SLC35F3: variants seen among roughly 807,000 people sequenced by gnomAD.
SLC35F3 encodes solute carrier family 35 member F3.
Under a neutral mutation model 49.9 loss-of-function variants are expected in SLC35F3, and 25 were observed. The ratio of observed to expected loss-of-function variants is 0.50; its 90% CI spans 0.37 to 0.70. SLC35F3 has a LOEUF of 0.70. Ranked by LOEUF, SLC35F3 falls within the 30% of genes least tolerant of loss-of-function variation. The pLI is 0.00. For synonymous variants in SLC35F3, 275 were observed against 265.4 expected (o/e 1.04, Z -0.35); for missense variants, 525 against 639.8 (o/e 0.82, Z 1.94).
intron 3 of SLC35F3, among the ~76,000 whole-genome samples, chr1:234,275,207 A>G (rs530801903): frequency 3.9e-5 from 6 of 152,352 alleles, no homozygotes; most frequent in Admixed American, 3.3e-4. Flanking sequence ...TCTTTAAAAT[A>G]TTGTAGAAAA....
chr1:234,265,971 G>C (rs1399152990), intron 3 of SLC35F3, among the ~76,000 whole-genome samples: 2 of 152,126 alleles, frequency 1.3e-5, no homozygotes, highest in Non-Finnish European at 2.9e-5. Context: ...TCAGGCCTTT[G>C]CTCAAATATC....
At position 234,240,968 on chromosome 1, in the gene SLC35F3, G is replaced by A. The variant is rs540148229; in HGVS notation, c.608+9227G>A. On this transcript the variant is annotated intron_variant, in intron 3 of 7. Coordinates refer to ENST00000366618, the MANE Select transcript of SLC35F3 (RefSeq NM_173508.4). ...CAGGATATGAGCTGAAAGCCAGATGGAAATGTGAGGTGATCCATTTGTCTA... is the reference window on the plus strand; with the variant it reads ...CAGGATATGAGCTGAAAGCCAGATGAAAATGTGAGGTGATCCATTTGTCTA... Among the ~76,000 whole-genome samples, 4 of 152,350 alleles carry A rather than the reference G, an allele frequency of 2.6e-5. No homozygotes were observed. In the South Asian group the frequency reaches 8.3e-4, roughly 32 times the overall value.
chr1:234,241,709 T>C (rs1667554958), intron 3 of SLC35F3, among the ~76,000 whole-genome samples: 2 of 138,366 alleles, frequency 1.4e-5, no homozygotes, highest in Admixed American at 7.9e-5. Context: ...CACTCCAGCC[T>C]GGGCAACAAG....
At chr1:234,098,413 T>TTGG (rs1029758573) in intron 2 of SLC35F3, among the ~76,000 whole-genome samples, 1 of 114,602 alleles carries the variant, frequency 8.7e-6, no homozygotes, top group Non-Finnish European at 1.8e-5. Flanking sequence ...GGTGATTGTG[T>TTGG]TGGTGGTGGT....
intron 2 of SLC35F3, among the ~76,000 whole-genome samples, chr1:234,058,429 C>T (rs554352691): frequency 5.6e-5 from 8 of 143,804 alleles, no homozygotes; most frequent in East Asian, 2.2e-4. Flanking sequence ...ACTGTAGCCT[C>T]GACCTTCCAG....
intron 3 of SLC35F3, among the ~76,000 whole-genome samples, chr1:234,295,588 A>G (rs964353875): frequency 6.6e-6 from 1 of 152,246 alleles, no homozygotes; most frequent in Non-Finnish European, 1.5e-5. Context: ...TTGTCTTTCC[A>G]CACTGTTAGA....
intron 2 of SLC35F3, among the ~76,000 whole-genome samples, chr1:234,108,236 A>ATATATATAAAAGATATATATATT (rs2102885661): frequency 9.0e-6 from 1 of 111,238 alleles, no homozygotes; most frequent in East Asian, 2.1e-4. Context: ...ATATATATTT[A>ATATATATAAAAGATATATATATT]TATATATAAA....
rs145723363 is a variant in SLC35F3, at chr1:234,259,486, T to C, written c.608+27745T>C. ...AGCCTGAGGGGTCCTCCAGTTCCTC[T>C]GGGGCAGGGTTGCTCAAACATAAAG... On this transcript the variant is annotated intron_variant, in intron 3 of 7. Transcript: ENST00000366618. 8.2e-3 allele frequency among the ~76,000 whole-genome samples: 1,246 copies of C among 152,170 alleles called. 19 individuals are homozygous for C. Among genetic ancestry groups the C allele is most frequent in the African/African-American group, 0.029 (1,186 of 41,510 alleles).
intron 2 of SLC35F3, among the ~76,000 whole-genome samples, chr1:234,184,867 T>C (rs1042620449): frequency 2.0e-5 from 3 of 152,186 alleles, no homozygotes; most frequent in Non-Finnish European, 4.4e-5. Context: ...GCTTTGACAT[T>C]ACCTGACAGC....
intron 2 of SLC35F3, among the ~76,000 whole-genome samples, chr1:234,019,093 C>G (rs910295352): frequency 3.0e-4 from 46 of 152,216 alleles, no homozygotes; most frequent in African/African-American, 1.0e-3. Flanking sequence ...TCTGCCAGAA[C>G]CAGAGTCTAA....
At chr1:233,995,254 A>G (rs1201511836) in intron 2 of SLC35F3, among the ~76,000 whole-genome samples, 4 of 152,224 alleles carry the variant, frequency 2.6e-5, no homozygotes, top group Non-Finnish European at 5.9e-5. Flanking sequence ...CAGAGGACAG[A>G]GGCAGATATA....
chr1:234,315,560 G>T (rs1019629791), intron 4 of SLC35F3, among the ~76,000 whole-genome samples: 3 of 152,184 alleles, frequency 2.0e-5, no homozygotes, highest in African/African-American at 7.2e-5. Flanking sequence ...TGAGGTGAAT[G>T]ATAATATCTA....
chr1:234,188,498 A>G (rs1349036059), intron 2 of SLC35F3, among the ~76,000 whole-genome samples: 4 of 151,986 alleles, frequency 2.6e-5, no homozygotes, highest in East Asian at 1.9e-4. Flanking sequence ...ACACAATTCT[A>G]TTGACCTGGA....
intron 2 of SLC35F3, among the ~76,000 whole-genome samples, chr1:233,980,798 A>G (rs184372154): frequency 1.2e-4 from 18 of 152,342 alleles, no homozygotes; most frequent in Admixed American, 7.8e-4. Context: ...GTGATAATTG[A>G]TAGTAATCAT....
At chr1:234,052,970 A>G (rs553699716) in intron 2 of SLC35F3, among the ~76,000 whole-genome samples, 3 of 152,162 alleles carry the variant, frequency 2.0e-5, no homozygotes, top group Non-Finnish European at 4.4e-5. Flanking sequence ...CTTAATCCTG[A>G]GTTCTAGTTT....
chr1:234,217,486 G>T (rs1327280578), intron 2 of SLC35F3, among the ~76,000 whole-genome samples: 1 of 152,232 alleles, frequency 6.6e-6, no homozygotes, highest in African/African-American at 2.4e-5. Flanking sequence ...GAACTGAAAA[G>T]CAAGGTGTCA....
rs1558255424 is a variant in SLC35F3, at chr1:234,191,613, GA to G, written c.284-39801del. On this transcript the variant is annotated intron_variant, in intron 2 of 7. Transcript: ENST00000366618. ...AACCCAGATCAGAGAAGAACTAAAT[GA>G]AATTGAAACAACAACAAAAAAAAAT... Among the ~76,000 whole-genome samples, 4 of 148,728 alleles carry G rather than the reference GA, an allele frequency of 2.7e-5. No homozygotes were observed. The East Asian group carries it at 7.7e-4, about 29-fold the overall frequency.
intron 2 of SLC35F3, among the ~76,000 whole-genome samples, chr1:234,066,470 G>A (rs1664619160): frequency 1.3e-5 from 2 of 152,170 alleles, no homozygotes; most frequent in Admixed American, 6.5e-5. Flanking sequence ...AGGCTGCAGC[G>A]GTGAGTCCAG....
intron 2 of SLC35F3, among the ~76,000 whole-genome samples, chr1:233,976,112 GACA>G (rs1315680552): frequency 2.0e-5 from 3 of 152,184 alleles, no homozygotes; most frequent in African/African-American, 7.2e-5. Context: ...GAGGGAGAAA[GACA>G]GAGGAGGAGG....
Sources: allele counts gnomAD v4.1 joint callset (sites outside exome capture counted in the v4.1 genomes callset), GRCh38; gene constraint gnomAD v4.1.1; transcripts MANE v1.5; gene names NCBI Gene and HGNC (gene_info 2026-07-23, HGNC 2026-07-21).